TLE6: variants seen among roughly 807,000 people sequenced by gnomAD.
TLE6 encodes the protein TLE family member 6, subcortical maternal complex member.
Under a neutral mutation model 77.1 loss-of-function variants are expected in TLE6, and 72 were observed. The observed-to-expected ratio is 0.93, with a 90% CI of 0.77 to 1.14. TLE6 has a LOEUF of 1.14. Among genes scored for constraint, TLE6 ranks in the 50% most tolerant of loss-of-function variants. The pLI is 0.00. For missense variants in TLE6, 843 were observed against 747.6 expected (o/e 1.13, Z -1.49); for synonymous variants, 366 against 287.3 (o/e 1.27, Z -2.77).
chr19:2,993,039 A>C (rs1332211700), intron 14 of TLE6, among the ~76,000 whole-genome samples: 18 of 148,258 alleles, frequency 1.2e-4, no homozygotes, highest in Middle Eastern at 3.5e-3. Context: ...AAAAAAAAAA[A>C]AAAAAAAAAA....
In TLE6 at chr19:2,987,835, G is replaced by GT. The variant is rs759563548; in HGVS notation, c.625+46dup. The GT allele has an allele frequency of 1.2e-5, 19 of 1,613,766 alleles. No individual in the cohort carries two copies. In the South Asian group the frequency reaches 1.6e-4, roughly 14 times the overall value. ...GCCGACCGACTCCAGGCGGGATGGG[G>GT]TGGGGGCATCCTGTGCTGAGGAGCC... On this transcript the variant is annotated intron_variant, in intron 9 of 16. Transcript: ENST00000246112.
At chr19:2,980,870 C>T (rs1013623687) in intron 3 of TLE6, among the ~76,000 whole-genome samples, 3 of 150,026 alleles carry the variant, frequency 2.0e-5, no homozygotes, top group Non-Finnish European at 4.4e-5. Flanking sequence ...GGCAACATAG[C>T]GAGATGCCAT....
At chr19:2,992,059 G>A in intron 14 of TLE6, 75 bp downstream of exon 14, 1 of 1,556,904 alleles carries the variant, frequency 6.4e-7, no homozygotes, top group South Asian at 1.2e-5. Flanking sequence ...GTTGAGGCCG[G>A]GCTCCGTGGC....
intron 13 of TLE6, among the ~76,000 whole-genome samples, chr19:2,990,299 T>TA (rs1271354425): frequency 1.3e-5 from 2 of 151,714 alleles, no homozygotes; most frequent in African/African-American, 4.8e-5. Flanking sequence ...ATAGTCTATT[T>TA]AAAAATATGT....
intron 12 of TLE6, 37 bp from the exon 13 acceptor site, chr19:2,989,497 CG>C (rs771853706): frequency 6.9e-6 from 11 of 1,590,554 alleles, no homozygotes; most frequent in South Asian, 2.3e-5. Context: ...CAGAATGCCA[CG>C]GGGGGCGACA....
At chr19:2,980,280 C>A in intron 3 of TLE6, 98 bp downstream of exon 3, 2 of 954,358 alleles carry the variant, frequency 2.1e-6, no homozygotes, top group Admixed American at 2.4e-5. Context: ...AGGCTGCTGG[C>A]CCAAGAGCCA....
intron 14 of TLE6, among the ~76,000 whole-genome samples, chr19:2,992,592 G>A (rs1191105037): frequency 6.6e-6 from 1 of 151,930 alleles, no homozygotes; most frequent in African/African-American, 2.4e-5. Context: ...GCAACATAGT[G>A]AGACCCTGTT....
chr19:2,994,317 A>C (rs1392217374), intron 16 of TLE6, among the ~76,000 whole-genome samples: 1 of 152,026 alleles, frequency 6.6e-6, no homozygotes, highest in African/African-American at 2.4e-5. Flanking sequence ...CTCTACAAAA[A>C]ATAATTAGCT....
rs775758684 is a variant in TLE6, at chr19:2,989,713, C to G, written c.1172C>G (p.Ala391Gly). The change falls in exon 13 of 17, where the codon GCC becomes GGC. Residue 391 changes from alanine to glycine, a missense_variant. Ala to Gly is a moderately conservative substitution (Grantham distance 60). Coordinates refer to ENST00000246112, the MANE Select transcript of TLE6 (RefSeq NM_001143986.2). ...NCQALDANLD[A>G]NLAFASFTSG... ...CAGGCCCTGGATGCCAACCTGGATG[C>G]CAACCTGGCCTTCGCCAGCTTCACC... 9 of 1,614,054 alleles carry G rather than the reference C, an allele frequency of 5.6e-6. No individual in the cohort carries two copies. The highest frequency in any genetic ancestry group is 3.4e-6 in the Non-Finnish European group (4 of 1,180,010).
At chr19:2,987,812 C>T (rs766955718) in intron 9 of TLE6, 22 bp downstream of exon 9, 26 of 1,613,946 alleles carry the variant, frequency 1.6e-5, no homozygotes, top group Admixed American at 1.3e-4. Context: ...GGGCAGGGGC[C>T]GACCGACTCC....
intron 8 of TLE6, 115 bp downstream of exon 8, chr19:2,987,487 C>A: frequency 6.8e-7 from 1 of 1,481,162 alleles, no homozygotes; most frequent in East Asian, 2.3e-5. Context: ...CCATCCTGCC[C>A]CTCGGGTCCC....
chr19:2,982,354 A>ATG (rs35350422), intron 5 of TLE6, among the ~76,000 whole-genome samples, 165 bp downstream of exon 5: 40,234 of 151,318 alleles, frequency 0.27, 5,624 homozygotes, highest in African/African-American at 0.32. Context: ...CCTGATCAAC[A>ATG]TGGTGAAACC....
chr19:2,992,109 G>A (rs2089081475), intron 14 of TLE6, 125 bp downstream of exon 14: 3 of 1,138,490 alleles, frequency 2.6e-6, no homozygotes, highest in Admixed American at 4.6e-5. Context: ...GCCAAGGTGG[G>A]TGGATCACCT....
rs151119762 is a variant in TLE6, at chr19:2,987,106, G to A, written c.409G>A (p.Gly137Arg). 4 of 1,614,110 alleles carry A rather than the reference G, an allele frequency of 2.5e-6. No homozygotes were observed. The highest frequency in any genetic ancestry group is 1.3e-5 in the African/African-American group (1 of 75,050). ...RSSDWLRRPL[G>R]EDNQPETQLF... ...CTCCGACTGGCTCCGGCGGCCTTTG[G>A]GGGAGGACAATCAGCCGGAGACCCA... Residue 137 changes from glycine to arginine, a missense_variant, in exon 7 of 17, where the codon GGG becomes AGG. Gly to Arg is a moderately radical substitution (Grantham distance 125). Transcript: ENST00000246112.
At chr19:2,979,582 A>T (rs1252928870) in intron 2 of TLE6, among the ~76,000 whole-genome samples, 1 of 151,956 alleles carries the variant, frequency 6.6e-6, no homozygotes, top group African/African-American at 2.4e-5. Flanking sequence ...TTCTATTTTC[A>T]TCACAAGAAT....
At position 2,987,347 on chromosome 19, in the gene TLE6, T is replaced by C. The variant is rs1420011904; in HGVS notation, c.542-9T>C. ...GTCCCCCTCCTCCTCTCCGTTGTCA[T>C]GGTGACAGAGCAGGCACCAGGCCTG... is the stretch of plus-strand genomic sequence containing the variant. On this transcript the variant is annotated splice_polypyrimidine_tract_variant and intron_variant, in intron 7 of 16. Transcript: ENST00000246112. 5 of 1,614,092 alleles carry C rather than the reference T, an allele frequency of 3.1e-6. No individual in the cohort carries two copies. The highest frequency in any genetic ancestry group is 4.2e-6 in the Non-Finnish European group (5 of 1,180,014).
Position 2,987,931 on chromosome 19 carries a change from C to G in TLE6, c.659C>G (p.Pro220Arg), listed in dbSNP as rs144099702. 99 of 1,610,648 alleles carry G rather than the reference C, an allele frequency of 6.1e-5. No homozygotes were observed. The African/African-American group carries it at 1.2e-3, about 20-fold the overall frequency. Residue 220 changes from proline to arginine, a missense_variant, in exon 10 of 17, where the codon CCT becomes CGT. Physicochemically the swap from Pro to Arg is moderately radical, Grantham distance 103. Transcript: ENST00000246112. ...PRPPEASSSP[P>R]EGSQDRNTSW... The stretch of plus-strand genomic sequence containing the variant: ...CCACCTGAGGCCTCCTCCAGTCCCC[C>G]TGAGGGTTCCCAAGACAGGAACACA...
chr19:2,986,903 G>C lies in TLE6; in HGVS notation c.285+12G>C, dbSNP rs2088923678. ...TCCAGTCTGAGGAGGTGAGTTTCTG[G>C]GTCTTCAAGGAGGGGAGGGGACAGG... On this transcript the variant is annotated intron_variant, in intron 6 of 16. Transcript: ENST00000246112. The C allele has an allele frequency of 2.6e-6, 4 of 1,552,046 alleles. No homozygotes were observed. The African/African-American group carries it at 4.1e-5, about 16-fold the overall frequency.
intron 13 of TLE6, among the ~76,000 whole-genome samples, chr19:2,991,045 T>TAC (rs1568217673): frequency 7.0e-4 from 91 of 130,128 alleles, no homozygotes; most frequent in African/African-American, 2.9e-3. Context: ...TACATACATA[T>TAC]ATGTATACAC....
Sources: gnomAD v4.1 joint callset for allele counts (sites outside exome capture counted in the v4.1 genomes callset) on GRCh38, gnomAD v4.1.1 for gene constraint, MANE v1.5 for transcripts, NCBI Gene and HGNC (gene_info 2026-07-23, HGNC 2026-07-21) for gene names.